Variants in KCNQ1 observed in about 807,000 individuals in gnomAD.
KCNQ1 encodes potassium voltage-gated channel subfamily KQT member 1.
KCNQ1 carries 49 observed loss-of-function variants against 72.4 expected under a neutral mutation model. The ratio of observed to expected loss-of-function variants is 0.68; its 90% CI spans 0.54 to 0.86. The LOEUF is 0.86. Among genes scored for constraint, KCNQ1 ranks in the 40% least tolerant of loss-of-function variants. The probability of loss-of-function intolerance (pLI) is 0.00; values close to 1 mark genes in which losing one functional copy is unlikely to be tolerated. For missense variants in KCNQ1, 790 were observed against 945.1 expected (o/e 0.84, Z 2.15); for synonymous variants, 450 against 412.6 (o/e 1.09, Z -1.10).
rs1186779749 is a variant in KCNQ1 at position 2,704,637 on chromosome 11, G to A, written c.1514+42556G>A. On this transcript the variant is annotated intron_variant, in intron 11 of 15. Transcript: ENST00000155840. This position sits in a 1 kb window ranked among gnomAD's most constrained non-coding sequence, Gnocchi z 4.3. The stretch of plus-strand genomic sequence containing the variant: ...GAGAGAACTGAAGAGAGGCAGCAGG[G>A]TGAGGGGGAAGACTACGGGGGACTT... Among the ~76,000 whole-genome samples, 2 of 152,232 alleles carry A rather than the reference G, an allele frequency of 1.3e-5. No individual in the cohort carries two copies. Among genetic ancestry groups the A allele is most frequent in the African/African-American group, 4.8e-5 (2 of 41,462 alleles).
chr11:2,453,924 G>C (rs529008267), intron 1 of KCNQ1, among the ~76,000 whole-genome samples: 1 of 152,278 alleles, frequency 6.6e-6, no homozygotes, highest in East Asian at 1.9e-4. Context: ...ATTATGAAGT[G>C]ATTATCAGGA....
At chr11:2,535,631 C>G (rs1374693353) in intron 2 of KCNQ1, among the ~76,000 whole-genome samples, 1 of 152,190 alleles carries the variant, frequency 6.6e-6, no homozygotes, top group East Asian at 1.9e-4. Context: ...CTTTCAGAGC[C>G]CTGTGGCGTC....
intron 11 of KCNQ1, among the ~76,000 whole-genome samples, chr11:2,733,774 C>CCACACACACACACACA (rs144399150): frequency 0.028 from 1,606 of 57,064 alleles, 53 homozygotes; most frequent in Middle Eastern, 0.038. Flanking sequence ...TTCAGGCCTT[C>CCACACACACACACACA]CACACACACA....
intron 6 of KCNQ1, among the ~76,000 whole-genome samples, chr11:2,577,575 C>T (rs1848441762): frequency 6.6e-6 from 1 of 152,196 alleles, no homozygotes; most frequent in Non-Finnish European, 1.5e-5. Context: ...AGGCCTGGCC[C>T]TCGTGAATTG....
At chr11:2,819,321 GC>G (rs1403428132) in intron 15 of KCNQ1, among the ~76,000 whole-genome samples, 3 of 152,168 alleles carry the variant, frequency 2.0e-5, no homozygotes, top group African/African-American at 7.2e-5. Flanking sequence ...TGAGGAGTGG[GC>G]AAGGCTTTTA....
At position 2,653,098 on chromosome 11, in the gene KCNQ1, G is replaced by T; in HGVS notation, c.1394-8863G>T. The T allele has an allele frequency of 2.5e-6, 1 of 398,712 alleles. No individual in the cohort carries two copies. The highest frequency in any genetic ancestry group is 4.4e-6 in the Non-Finnish European group (1 of 226,126). 24.7% of individuals were successfully genotyped at this position (398,712 alleles called of 1,614,324 possible). A position where few individuals can be genotyped will look rare whatever the true frequency, so the allele number is the denominator to read the frequency against. On this transcript the variant is annotated intron_variant, in intron 10 of 15. Coordinates refer to ENST00000155840, the MANE Select transcript of KCNQ1 (RefSeq NM_000218.3). The surrounding 1 kb of genome is among the most constrained non-coding windows in gnomAD (Gnocchi z 5.3). ...CTCATACAGCAGGGTGTGGAGAGAG[G>T]CTCACTGAAGGTTTGGGGAGATGAG...
At chr11:2,684,354 G>C (rs763414882) in intron 11 of KCNQ1, 7 of 398,484 alleles carry the variant, frequency 1.8e-5, no homozygotes, top group Non-Finnish European at 2.7e-5. Flanking sequence ...TTGAGGCCTG[G>C]GACTTGCTGC....
chr11:2,652,535 A>G lies in KCNQ1; in HGVS notation c.1394-9426A>G. 2.5e-6 allele frequency: 1 copy of G among 398,584 alleles called. No homozygotes were observed. The highest frequency in any genetic ancestry group is 3.6e-5 in the East Asian group (1 of 28,070). The allele number at this position is 398,584 out of a possible 1,614,324, so 24.7% of individuals were successfully genotyped here. A position where few individuals can be genotyped will look rare whatever the true frequency, so the allele number is the denominator to read the frequency against. Reference sequence around the variant, plus strand: ...CCTGTGAGCTCAACTCTTGGAGAAGATAGTGCTTAACCCAGATTCCATTGT... The same window carrying G: ...CCTGTGAGCTCAACTCTTGGAGAAGGTAGTGCTTAACCCAGATTCCATTGT... On this transcript the variant is annotated intron_variant, in intron 10 of 15. Transcript: ENST00000155840. This position sits in a 1 kb window ranked among gnomAD's most constrained non-coding sequence, Gnocchi z 5.9.
intron 1 of KCNQ1, among the ~76,000 whole-genome samples, chr11:2,474,344 C>T (rs1240808467): frequency 6.6e-6 from 1 of 152,150 alleles, no homozygotes; most frequent in Non-Finnish European, 1.5e-5. Flanking sequence ...GATGCCAGGG[C>T]AGTGAGGCTC....
rs74048609 is a variant in KCNQ1, at chr11:2,447,351, C to G, written c.386+1867C>G. ...GAAAGGGATGCTTCTGTGAAGTGGC[C>G]AGATCTGGGGCTGGTCCTTTCCAGT... On this transcript the variant is annotated intron_variant, in intron 1 of 15. Coordinates refer to ENST00000155840, the MANE Select transcript of KCNQ1 (RefSeq NM_000218.3). The surrounding 1 kb of genome is among the most constrained non-coding windows in gnomAD (Gnocchi z 7.6). Among the ~76,000 whole-genome samples the G allele has an allele frequency of 4.6e-5, 7 of 152,174 alleles. No individual in the cohort carries two copies. Among genetic ancestry groups the G allele is most frequent in the Admixed American group, 4.6e-4 (7 of 15,288 alleles).
rs58284663 is a variant in KCNQ1 at position 2,756,951 on chromosome 11, T to TAAAAAAAAA, written c.1515-11871_1515-11863dup. ...TTTCCCAACTTGATCAAGAGCATCTTAAAAAAAAAAAAAAAAAAAAAAAAA... is the reference window on the plus strand; with the variant it reads ...TTTCCCAACTTGATCAAGAGCATCTTAAAAAAAAAAAAAAAAAAAAAAAAAAAAAAAAAA... On this transcript the variant is annotated intron_variant, in intron 11 of 15. Coordinates refer to ENST00000155840, the MANE Select transcript of KCNQ1 (RefSeq NM_000218.3). 9.8e-5 allele frequency among the ~76,000 whole-genome samples: 5 copies of TAAAAAAAAA among 50,998 alleles called. No homozygotes were observed. In the East Asian group the frequency reaches 3.3e-3, roughly 34 times the overall value. The allele number at this position is 50,998 out of a possible 152,430, so 33.5% of individuals were successfully genotyped here.
At chr11:2,680,171 C>T (rs1345447415) in intron 11 of KCNQ1, 6 of 386,740 alleles carry the variant, frequency 1.6e-5, no homozygotes, top group Admixed American at 9.7e-5. Context: ...GGATTACGGG[C>T]GTGAGCCAAT....
At chr11:2,445,509 C>G in intron 1 of KCNQ1, 25 bp downstream of exon 1, 1 of 1,587,072 alleles carries the variant, frequency 6.3e-7, no homozygotes, top group Non-Finnish European at 8.5e-7. Flanking sequence ...CGGCGACGGC[C>G]GGCACGAAGG....
chr11:2,697,914 C>T (rs2133900132), intron 11 of KCNQ1: 1 of 398,628 alleles, frequency 2.5e-6, no homozygotes, highest in East Asian at 3.6e-5. Flanking sequence ...GAAACAGACC[C>T]ACTTTTCTCC....
rs1261366594 is a variant in KCNQ1, at chr11:2,562,720, G to A, written c.478-7908G>A. Among the ~76,000 whole-genome samples, 3 of 152,166 alleles carry A rather than the reference G, an allele frequency of 2.0e-5. No individual in the cohort carries two copies. The highest frequency in any genetic ancestry group is 6.5e-5 in the Admixed American group (1 of 15,286). On this transcript the variant is annotated intron_variant, in intron 2 of 15. Coordinates refer to ENST00000155840, the MANE Select transcript of KCNQ1 (RefSeq NM_000218.3). The surrounding 1 kb of genome is among the most constrained non-coding windows in gnomAD (Gnocchi z 7.5). ...TACAGATCTCAGGCTTTTCAAGGGT[G>A]GGTGGATTCCTGGCTCCAGTGGAAG...
Position 2,846,519 on chromosome 11 carries a change from G to A in KCNQ1, c.1795-1248G>A, listed in dbSNP as rs760418633. ...ACCAACAGAGCTGTGCGCCCTCCCC[G>A]AACCCTCACTCATGCTAGGGCCCCC... On this transcript the variant is annotated intron_variant, in intron 15 of 15. Transcript: ENST00000155840. Among the ~76,000 whole-genome samples, 84 of 152,162 alleles carry A rather than the reference G, an allele frequency of 5.5e-4. 1 individual carries two copies. The highest frequency in any genetic ancestry group is 4.1e-4 in the South Asian group (2 of 4,836).
Position 2,445,299 on chromosome 11 carries a change from G to T in KCNQ1, c.201G>T (p.Pro67=). 7.1e-7 allele frequency: 1 copy of T among 1,415,382 alleles called. No individual in the cohort carries two copies. The highest frequency in any genetic ancestry group is 2.9e-5 in the East Asian group (1 of 34,622). 87.7% of individuals were successfully genotyped at this position (1,415,382 alleles called of 1,614,324 possible). Residue 67 remains proline, a synonymous_variant, in exon 1 of 16, where the codon CCG becomes CCT. Transcript: ENST00000155840. The stretch of plus-strand genomic sequence containing the variant: ...CAGGTCCCGCGCCCCCTGCGTCCCC[G>T]GCCGCGCCCGCCGCGCCCCCAGTTG... The part of the protein sequence containing the change: ...GAPGPAPPAS[P]AAPAAPPVAS...
In KCNQ1 at chr11:2,588,941, C is replaced by T; in HGVS notation, c.1393+87C>T. ...GCCCGAGCAAGCCAGTGAGTTTCTC[C>T]CTTGGGCTGTGGTCTCTGACAACGA... On this transcript the variant is annotated intron_variant, in intron 10 of 15. Transcript: ENST00000155840. The surrounding 1 kb of genome is among the most constrained non-coding windows in gnomAD (Gnocchi z 5.6). The T allele has an allele frequency of 6.7e-7, 1 of 1,490,950 alleles. No individual in the cohort carries two copies. The highest frequency in any genetic ancestry group is 1.2e-5 in the South Asian group (1 of 85,510). 92.4% of individuals were successfully genotyped at this position (1,490,950 alleles called of 1,614,324 possible).
chr11:2,739,909 G>C (rs1254798233), intron 11 of KCNQ1, among the ~76,000 whole-genome samples: 1 of 152,266 alleles, frequency 6.6e-6, no homozygotes, highest in Non-Finnish European at 1.5e-5. Context: ...GGCCTCACCA[G>C]TGGGATCCAG....
Sources: gnomAD v4.1 joint callset for allele counts (sites outside exome capture counted in the v4.1 genomes callset) on GRCh38, gnomAD v4.1.1 for gene constraint, Gnocchi (gnomAD v3.1) non-coding constraint, MANE v1.5 for transcripts, NCBI Gene and HGNC (gene_info 2026-07-23, HGNC 2026-07-21) for gene names.